The following RBFOX1 variants were observed in gnomAD, a reference collection of about 807,000 sequenced individuals.
RBFOX1 encodes RNA binding protein fox-1 homolog 1.
RBFOX1 carries 8 observed loss-of-function variants against 57.7 expected under a neutral mutation model. The ratio of observed to expected loss-of-function variants is 0.14; its 90% confidence interval spans 0.08 to 0.25. RBFOX1 has a LOEUF of 0.25. RBFOX1 is among the 10% of genes least tolerant of loss of function. RBFOX1 has a pLI of 1.00. For synonymous variants in RBFOX1, 326 were observed against 222.4 expected, an observed-to-expected ratio of 1.47 and a Z score of -4.15; for missense variants, 611 against 548.5, an observed-to-expected ratio of 1.11 and a Z score of -1.14.
chr16:7,438,833 C>T (rs746860134), intron 4 of RBFOX1, among the ~76,000 whole-genome samples: 1 of 152,158 alleles, frequency 6.6e-6, no homozygotes, highest in Non-Finnish European at 1.5e-5. Flanking sequence ...CTTTCAACCA[C>T]GCCAAGCAGC....
rs992767674 is a variant in RBFOX1 at position 5,946,857 on chromosome 16, A to G, written c.351+79522A>G. On this transcript the variant is annotated intron_variant, in intron 4 of 19. Transcript: ENST00000641259. This position sits in a 1 kb window ranked among gnomAD's most constrained non-coding sequence, Gnocchi z 4.6. ...GATTTGGAGCATTGCTTGGTGTGAA[A>G]TAAAACCCAACACATATGAGTGTAG... Among the ~76,000 whole-genome samples, 1 of 152,128 alleles carries G rather than the reference A, an allele frequency of 6.6e-6. No homozygotes were observed. Among genetic ancestry groups the G allele is most frequent in the Non-Finnish European group, 1.5e-5 (1 of 68,032 alleles).
chr16:7,021,606 T>C (rs2039129421), intron 3 of RBFOX1, among the ~76,000 whole-genome samples: 1 of 146,628 alleles, frequency 6.8e-6, no homozygotes, highest in South Asian at 2.1e-4. Context: ...TTTTATTTTT[T>C]ATAAAATATA....
At chr16:6,650,341 A>C (rs1054871578) in intron 2 of RBFOX1, among the ~76,000 whole-genome samples, 7 of 152,124 alleles carry the variant, frequency 4.6e-5, no homozygotes, top group African/African-American at 1.7e-4. Flanking sequence ...GAAAAGAATG[A>C]AACCTGTGGA....
intron 2 of RBFOX1, among the ~76,000 whole-genome samples, chr16:5,508,773 CA>C (rs1294170551): frequency 6.6e-6 from 1 of 152,206 alleles, no homozygotes; most frequent in Non-Finnish European, 1.5e-5. Flanking sequence ...ATCACAGGGC[CA>C]GCTCACAGTA....
chr16:5,357,194 C>T (rs765800870), intron 1 of RBFOX1, among the ~76,000 whole-genome samples: 10 of 152,190 alleles, frequency 6.6e-5, no homozygotes, highest in Non-Finnish European at 1.5e-4. Flanking sequence ...CCCATTGCCA[C>T]ATGATGTAGC....
chr16:6,430,609 G>A (rs956133564), intron 2 of RBFOX1, among the ~76,000 whole-genome samples: 1 of 152,146 alleles, frequency 6.6e-6, no homozygotes, highest in Non-Finnish European at 1.5e-5. Flanking sequence ...TTCTGCTGAC[G>A]GGTGGAGAGT....
chr16:6,581,604 G>A lies in RBFOX1; in HGVS notation c.-63-72999G>A, dbSNP rs143640107. ...CGGATATCGATCTCATGTCAGTCAT[G>A]TTGCCTGTCTATGAAAATACTACAT... On this transcript the variant is annotated intron_variant, in intron 2 of 15. Transcript: ENST00000550418. Among the ~76,000 whole-genome samples, 42 of 152,308 alleles carry A rather than the reference G, an allele frequency of 2.8e-4. 1 individual carries two copies. In the East Asian group the frequency reaches 7.9e-3, roughly 29 times the overall value.
In RBFOX1 at chr16:7,467,646, C is replaced by G. The variant is rs200767345; in HGVS notation, c.28-50501C>G. On this transcript the variant is annotated intron_variant, in intron 4 of 15. Transcript: ENST00000550418. The stretch of plus-strand genomic sequence containing the variant: ...TGGTATGATAATAAGAGTGACCTTG[C>G]TAGGGTGTCTGAGGATTAAATAAGA... Among the ~76,000 whole-genome samples, 5 of 152,230 alleles carry G rather than the reference C, an allele frequency of 3.3e-5. No homozygotes were observed. The East Asian group carries it at 7.7e-4, about 24-fold the overall frequency.
chr16:7,230,401 A>G (rs2093430035), intron 4 of RBFOX1, among the ~76,000 whole-genome samples: 1 of 152,130 alleles, frequency 6.6e-6, no homozygotes, highest in Non-Finnish European at 1.5e-5. Context: ...ATCAGCTTCC[A>G]TAGTTAACTT....
At chr16:5,452,158 G>A (rs532416153) in intron 1 of RBFOX1, among the ~76,000 whole-genome samples, 5 of 130,006 alleles carry the variant, frequency 3.8e-5, no homozygotes, top group East Asian at 4.6e-4. Context: ...TTGCTCTGTC[G>A]CCTAGGCTGG....
At chr16:6,546,804 G>T (rs538903297) in intron 2 of RBFOX1, among the ~76,000 whole-genome samples, 1 of 152,156 alleles carries the variant, frequency 6.6e-6, no homozygotes, top group Non-Finnish European at 1.5e-5. Flanking sequence ...CACAAATGGG[G>T]TCATAGGCTC....
At chr16:6,901,231 C>G (rs145944204) in intron 3 of RBFOX1, among the ~76,000 whole-genome samples, 12 of 152,170 alleles carry the variant, frequency 7.9e-5, no homozygotes, top group African/African-American at 2.9e-4. Context: ...GAGGAAAGAT[C>G]AGACTTCATT....
intron 2 of RBFOX1, among the ~76,000 whole-genome samples, chr16:6,604,261 C>T (rs557531597): frequency 3.3e-5 from 5 of 151,876 alleles, no homozygotes; most frequent in African/African-American, 4.8e-5. Context: ...TCAAAGCCAT[C>T]AAAATGGCTA....
At chr16:6,457,890 A>G (rs1277651149) in intron 2 of RBFOX1, among the ~76,000 whole-genome samples, 1 of 152,154 alleles carries the variant, frequency 6.6e-6, no homozygotes, top group African/African-American at 2.4e-5. Context: ...CAGTTTACAG[A>G]TAGTTCTGGG....
At chr16:6,750,208 A>G (rs373522789) in intron 3 of RBFOX1, among the ~76,000 whole-genome samples, 3 of 152,216 alleles carry the variant, frequency 2.0e-5, no homozygotes, top group South Asian at 4.1e-4. Flanking sequence ...AAACCTATTG[A>G]ATTGTGGGCT....
intron 5 of RBFOX1, among the ~76,000 whole-genome samples, chr16:7,572,752 T>C (rs908971438): frequency 1.3e-5 from 2 of 151,846 alleles, no homozygotes; most frequent in South Asian, 4.2e-4. Context: ...GGCAGGAGAA[T>C]GGCGTGAACC....
At chr16:5,768,469 A>G (rs1305028505) in intron 3 of RBFOX1, among the ~76,000 whole-genome samples, 1 of 152,166 alleles carries the variant, frequency 6.6e-6, no homozygotes, top group Non-Finnish European at 1.5e-5. Flanking sequence ...TGGCCCTGTC[A>G]GGAAGGGGTA....
chr16:5,597,909 C>T (rs1471863524), intron 2 of RBFOX1, among the ~76,000 whole-genome samples: 2 of 152,196 alleles, frequency 1.3e-5, no homozygotes, highest in African/African-American at 4.8e-5. Flanking sequence ...ACAAATCCGT[C>T]AGCCTCTCTT....
intron 1 of RBFOX1, among the ~76,000 whole-genome samples, chr16:5,306,652 C>A (rs181579290): frequency 1.3e-5 from 2 of 152,260 alleles, no homozygotes; most frequent in East Asian, 3.9e-4. Context: ...CATGAAAGAT[C>A]GAGTTAAATG....
Sources: allele counts gnomAD v4.1 joint callset (sites outside exome capture counted in the v4.1 genomes callset), GRCh38; gene constraint gnomAD v4.1.1; non-coding constraint Gnocchi (gnomAD v3.1); transcripts MANE v1.5; gene names NCBI Gene and HGNC (gene_info 2026-07-23, HGNC 2026-07-21).